Variants in TCF24 observed in about 807,000 individuals in gnomAD.
The protein encoded by TCF24 is transcription factor 24.
A neutral mutation model predicts 9.3 loss-of-function variants in TCF24; 5 were observed. The observed-to-expected ratio is 0.54, with a 90% CI of 0.28 to 1.13. The LOEUF is 1.13. Among genes scored for constraint, TCF24 ranks in the 50% most tolerant of loss-of-function variants. The probability of loss-of-function intolerance (pLI) is 0.09; values close to 1 mark genes in which losing one functional copy is unlikely to be tolerated. For synonymous variants in TCF24, 110 were observed against 115.8 expected (o/e 0.95, Z 0.32); for missense variants, 220 against 236.1 (o/e 0.93, Z 0.45).
chr8:66,960,300 T>G (rs895712332), intron 3 of TCF24, among the ~76,000 whole-genome samples: 2 of 152,182 alleles, frequency 1.3e-5, no homozygotes, highest in Non-Finnish European at 2.9e-5. Flanking sequence ...GTAAATTTTG[T>G]TAAAACTTAT....
intron 3 of TCF24, among the ~76,000 whole-genome samples, chr8:66,956,651 C>T (rs1429184724): frequency 1.3e-5 from 2 of 152,170 alleles, no homozygotes; most frequent in Non-Finnish European, 2.9e-5. Flanking sequence ...TGTAAGCCAC[C>T]ACGCCCAGCC....
Position 66,946,787 on chromosome 8 carries a change from A to G in TCF24, c.*1264T>C, listed in dbSNP as rs1186729580. The G allele has an allele frequency of 6.6e-6, 1 of 152,232 alleles. No homozygotes were observed. The highest frequency in any genetic ancestry group is 2.4e-5 in the African/African-American group (1 of 41,472). 9.4% of individuals were successfully genotyped at this position (152,232 alleles called of 1,614,324 possible). A position where few individuals can be genotyped will look rare whatever the true frequency, so the allele number is the denominator to read the frequency against. ...CTAACTATTTAACAGGATGACTTAG[A>G]AATCTAATTATTCAACACATAGTTT... On this transcript the variant is annotated 3_prime_UTR_variant, in exon 4 of 4. Coordinates refer to ENST00000563496, the MANE Select transcript of TCF24 (RefSeq NM_001193502.2).
At chr8:66,954,374 C>G (rs2130899667) in intron 3 of TCF24, among the ~76,000 whole-genome samples, 1 of 152,118 alleles carries the variant, frequency 6.6e-6, no homozygotes, top group East Asian at 1.9e-4. Context: ...CAGTGTGCCC[C>G]TGCTCGGGGG....
At chr8:66,958,155 A>C (rs748028988) in intron 3 of TCF24, among the ~76,000 whole-genome samples, 31 of 152,206 alleles carry the variant, frequency 2.0e-4, no homozygotes, top group Non-Finnish European at 4.1e-4. Flanking sequence ...CACAGTTTTA[A>C]GAGTCTGAAA....
At chr8:66,954,791 T>G (rs1339648926) in intron 3 of TCF24, among the ~76,000 whole-genome samples, 2 of 152,272 alleles carry the variant, frequency 1.3e-5, no homozygotes, top group African/African-American at 2.4e-5. Context: ...GGATATAATC[T>G]CGTGGTGTGC....
Position 66,947,217 on chromosome 8 carries a change from C to T in TCF24, c.*834G>A, listed in dbSNP as rs1813977668. ...AATAAAACTGGGCCAGGCACGGTGG[C>T]TCTAGCCTATAATCCCAACACTTTG... On this transcript the variant is annotated 3_prime_UTR_variant, in exon 4 of 4. Coordinates refer to ENST00000563496, the MANE Select transcript of TCF24 (RefSeq NM_001193502.2). 2 of 152,170 alleles carry T rather than the reference C, an allele frequency of 1.3e-5. No individual in the cohort carries two copies. Among genetic ancestry groups the T allele is most frequent in the Non-Finnish European group, 2.9e-5 (2 of 68,052 alleles). The allele number at this position is 152,170 out of a possible 1,614,324, so 9.4% of individuals were successfully genotyped here. A position where few individuals can be genotyped will look rare whatever the true frequency, so the allele number is the denominator to read the frequency against.
rs1585948374 is a variant in TCF24 at position 66,961,915 on chromosome 8, T to C, written c.-62A>G. ...GGGCTAAGGGCGCTCTCAAGCGAGC[T>C]CGTTTTGCCTGGGACGCGATTTGCT... On this transcript the variant is annotated 5_prime_UTR_variant, in exon 2 of 4. Coordinates refer to ENST00000563496, the MANE Select transcript of TCF24 (RefSeq NM_001193502.2). The C allele has an allele frequency of 1.6e-6, 1 of 625,224 alleles. No homozygotes were observed. Among genetic ancestry groups the C allele is most frequent in the East Asian group, 1.0e-4 (1 of 9,682 alleles). 38.7% of individuals were successfully genotyped at this position (625,224 alleles called of 1,614,324 possible).
intron 3 of TCF24, among the ~76,000 whole-genome samples, chr8:66,950,450 C>T (rs1396916853): frequency 2.6e-5 from 4 of 152,156 alleles, no homozygotes; most frequent in African/African-American, 7.2e-5. Context: ...CTGTTCTGTT[C>T]CATTGATCTA....
chr8:66,959,992 A>G (rs1814227494), intron 3 of TCF24, among the ~76,000 whole-genome samples: 2 of 152,212 alleles, frequency 1.3e-5, no homozygotes, highest in Non-Finnish European at 2.9e-5. Flanking sequence ...CTCATTCTGA[A>G]TTATATCTCC....
At chr8:66,949,226 G>A (rs899864935) in intron 3 of TCF24, among the ~76,000 whole-genome samples, 7 of 151,862 alleles carry the variant, frequency 4.6e-5, no homozygotes, top group Admixed American at 4.6e-4. Flanking sequence ...CTAGCATTAG[G>A]TATATCTCCC....
chr8:66,958,027 G>T (rs1814190856), intron 3 of TCF24, among the ~76,000 whole-genome samples: 1 of 150,918 alleles, frequency 6.6e-6, no homozygotes, highest in Admixed American at 6.6e-5. Flanking sequence ...TTGTATATGT[G>T]AAATTGTGCC....
At chr8:66,958,083 T>C (rs1371916548) in intron 3 of TCF24, among the ~76,000 whole-genome samples, 1 of 152,132 alleles carries the variant, frequency 6.6e-6, no homozygotes, top group Non-Finnish European at 1.5e-5. Context: ...TTTAAGAATA[T>C]TGTGTCCTTG....
chr8:66,952,844 A>G (rs1488228672), intron 3 of TCF24, among the ~76,000 whole-genome samples: 1 of 147,846 alleles, frequency 6.8e-6, no homozygotes, highest in Non-Finnish European at 1.5e-5. Flanking sequence ...CTTTACCATT[A>G]TGTAATGGCC....
chr8:66,951,963 T>C (rs201058771), intron 3 of TCF24, among the ~76,000 whole-genome samples: 2 of 145,958 alleles, frequency 1.4e-5, no homozygotes, highest in South Asian at 2.3e-4. Flanking sequence ...TTTTTTATTG[T>C]GTCTATTTGA....
intron 3 of TCF24, among the ~76,000 whole-genome samples, chr8:66,951,202 C>T (rs1199069126): frequency 3.0e-5 from 4 of 132,316 alleles, no homozygotes; most frequent in African/African-American, 8.8e-5. Context: ...AGTTTTTGCC[C>T]ATTCAGTATG....
intron 3 of TCF24, among the ~76,000 whole-genome samples, chr8:66,948,654 A>ATCTAT (rs1814000876): frequency 6.8e-5 from 10 of 146,532 alleles, no homozygotes; most frequent in African/African-American, 2.5e-4. Flanking sequence ...AAAAGTGTCA[A>ATCTAT]CTATCTATCT....
Position 66,961,870 on chromosome 8 carries a change from C to T in TCF24, c.-24+7G>A. Reference sequence around the variant, plus strand: ...GCGCAGCCCCCTGGTTCTCCCCGTGCGCCCACCAGCAGCCCAACGGGGCTA... The same window carrying T: ...GCGCAGCCCCCTGGTTCTCCCCGTGTGCCCACCAGCAGCCCAACGGGGCTA... On this transcript the variant is annotated splice_region_variant and intron_variant, in intron 2 of 3. Coordinates refer to ENST00000563496, the MANE Select transcript of TCF24 (RefSeq NM_001193502.2). 1 of 951,242 alleles carries T rather than the reference C, an allele frequency of 1.1e-6. No individual in the cohort carries two copies. The highest frequency in any genetic ancestry group is 1.0e-4 in the East Asian group (1 of 9,764). 58.9% of individuals were successfully genotyped at this position (951,242 alleles called of 1,614,324 possible).
intron 3 of TCF24, among the ~76,000 whole-genome samples, chr8:66,951,715 A>C (rs1027399206): frequency 6.6e-6 from 1 of 151,988 alleles, no homozygotes; most frequent in Non-Finnish European, 1.5e-5. Flanking sequence ...CTGTGAATCC[A>C]TCTGGTCCTG....
In TCF24 at chr8:66,961,409, G is replaced by T. The variant is rs1033001358; in HGVS notation, c.357C>A (p.Ala119=). 11 of 1,513,346 alleles carry T rather than the reference G, an allele frequency of 7.3e-6. No individual in the cohort carries two copies. The Admixed American group carries it at 2.3e-4, about 31-fold the overall frequency. 93.7% of individuals were successfully genotyped at this position (1,513,346 alleles called of 1,614,324 possible). A position where few individuals can be genotyped will look rare whatever the true frequency, so the allele number is the denominator to read the frequency against. Residue 119 remains alanine, a synonymous_variant, in exon 3 of 4, where the codon GCC becomes GCA. Coordinates refer to ENST00000563496, the MANE Select transcript of TCF24 (RefSeq NM_001193502.2). The part of the protein sequence containing the change: ...AEAPADAGLG[A]LRGDGYLHPV... ...GGTGCAGGTAGCCATCGCCGCGCAGGGCGCCCAACCCGGCGTCCGCCGGCG... is the reference window on the plus strand; with the variant it reads ...GGTGCAGGTAGCCATCGCCGCGCAGTGCGCCCAACCCGGCGTCCGCCGGCG...
Sources: gnomAD v4.1 joint callset for allele counts (sites outside exome capture counted in the v4.1 genomes callset) on GRCh38, gnomAD v4.1.1 for gene constraint, MANE v1.5 for transcripts, NCBI Gene and HGNC (gene_info 2026-07-23, HGNC 2026-07-21) for gene names.